CNTN5: variants seen among roughly 807,000 people sequenced by gnomAD.
The protein encoded by CNTN5 is contactin-5.
CNTN5 carries 77 observed loss-of-function variants against 129.1 expected under a neutral mutation model. That is an observed-to-expected ratio of 0.60 (90% CI 0.50 to 0.72). CNTN5 has a LOEUF of 0.72. Among genes scored for constraint, CNTN5 ranks in the 30% least tolerant of loss-of-function variants. CNTN5 has a pLI of 0.00. For missense variants in CNTN5, 1,478 were observed against 1,328.8 expected (o/e 1.11, Z -1.75); for synonymous variants, 509 against 465.6 (o/e 1.09, Z -1.20).
At chr11:100,343,859 G>C (rs930107377) in intron 23 of CNTN5, among the ~76,000 whole-genome samples, 1 of 151,858 alleles carries the variant, frequency 6.6e-6, no homozygotes, top group African/African-American at 2.4e-5. Context: ...CTATAATAGC[G>C]GGCCACCTCT....
chr11:100,061,621 C>T (rs553175080), intron 10 of CNTN5, among the ~76,000 whole-genome samples: 1 of 152,272 alleles, frequency 6.6e-6, no homozygotes, highest in South Asian at 2.1e-4. Context: ...GCATACAGAA[C>T]TTACGTCCTT....
At chr11:99,815,055 C>G (rs146821490) in intron 3 of CNTN5, among the ~76,000 whole-genome samples, 3 of 152,214 alleles carry the variant, frequency 2.0e-5, no homozygotes, top group Admixed American at 1.3e-4. Context: ...CCCCCTGACT[C>G]ATTTACCTCC....
chr11:99,791,899 C>T (rs1000332577), intron 3 of CNTN5, among the ~76,000 whole-genome samples: 1 of 152,004 alleles, frequency 6.6e-6, no homozygotes, highest in South Asian at 2.1e-4. Flanking sequence ...TGTTTTGGCT[C>T]TCAGATTGGA....
chr11:99,734,706 A>ATTT (rs57330066), intron 3 of CNTN5, among the ~76,000 whole-genome samples: 8,867 of 146,928 alleles, frequency 0.06, 346 homozygotes, highest in Middle Eastern at 0.087. Flanking sequence ...TATTACACTG[A>ATTT]TTTTTTTTTT....
intron 3 of CNTN5, among the ~76,000 whole-genome samples, chr11:99,625,583 ATATG>A (rs1417247302): frequency 3.9e-5 from 6 of 152,166 alleles, no homozygotes; most frequent in African/African-American, 7.2e-5. Flanking sequence ...ATACATTAAG[ATATG>A]TACATATTTT....
chr11:99,771,905 G>C (rs910122782), intron 3 of CNTN5, among the ~76,000 whole-genome samples: 1 of 151,672 alleles, frequency 6.6e-6, no homozygotes. Context: ...GAACTTTACT[G>C]TATATTATAT....
chr11:99,818,019 A>C (rs2135547098), intron 3 of CNTN5, among the ~76,000 whole-genome samples: 1 of 152,290 alleles, frequency 6.6e-6, no homozygotes, highest in South Asian at 2.1e-4. Context: ...GAGAAATCAT[A>C]TTTACAGCTT....
intron 1 of CNTN5, among the ~76,000 whole-genome samples, chr11:99,070,589 C>A (rs1266900265): frequency 6.6e-6 from 1 of 151,746 alleles, no homozygotes. Context: ...TAAATGAGAT[C>A]TTTATATACA....
At chr11:99,864,141 A>G (rs1304201950) in intron 6 of CNTN5, among the ~76,000 whole-genome samples, 1 of 152,162 alleles carries the variant, frequency 6.6e-6, no homozygotes, top group Non-Finnish European at 1.5e-5. Flanking sequence ...AAATGTTAAT[A>G]TTACTGAAGT....
intron 2 of CNTN5, among the ~76,000 whole-genome samples, chr11:99,555,867 T>C (rs1439774005): frequency 2.0e-5 from 3 of 151,870 alleles, no homozygotes; most frequent in Admixed American, 1.3e-4. Flanking sequence ...GGAAAAATTA[T>C]CCCCATTAGA....
At chr11:99,358,255 A>ATGTTTTTTTTTTTT (rs1938839546) in intron 2 of CNTN5, among the ~76,000 whole-genome samples, 1 of 46,914 alleles carries the variant, frequency 2.1e-5, no homozygotes, top group East Asian at 7.3e-4. Context: ...CGCCCTGCTG[A>ATGTTTTTTTTTTTT]TTTTTTTTTT....
intron 7 of CNTN5, among the ~76,000 whole-genome samples, chr11:99,952,890 G>A (rs567025069): frequency 6.6e-6 from 1 of 152,142 alleles, no homozygotes; most frequent in South Asian, 2.1e-4. Flanking sequence ...TTTTCTTTCT[G>A]TACTTACAGG....
intron 2 of CNTN5, among the ~76,000 whole-genome samples, chr11:99,368,255 T>C (rs1272529446): frequency 6.6e-6 from 1 of 152,142 alleles, no homozygotes; most frequent in Non-Finnish European, 1.5e-5. Flanking sequence ...TAGGTTATTC[T>C]AGAGTACCCT....
intron 3 of CNTN5, among the ~76,000 whole-genome samples, chr11:99,689,359 C>G (rs1280723129): frequency 6.6e-6 from 1 of 151,744 alleles, no homozygotes; most frequent in African/African-American, 2.4e-5. Flanking sequence ...AACCCCGTCT[C>G]TACTAAAAAT....
At chr11:99,994,642 G>C (rs1451344566) in intron 8 of CNTN5, among the ~76,000 whole-genome samples, 1 of 152,088 alleles carries the variant, frequency 6.6e-6, no homozygotes, top group Non-Finnish European at 1.5e-5. Flanking sequence ...CAGATTAACA[G>C]GTAGAAAAGT....
intron 13 of CNTN5, among the ~76,000 whole-genome samples, chr11:100,153,737 G>C (rs1199418841): frequency 1.3e-5 from 2 of 151,844 alleles, no homozygotes; most frequent in Non-Finnish European, 2.9e-5. Flanking sequence ...TATAATTTCT[G>C]GCATCATAAT....
Position 99,154,595 on chromosome 11 carries a change from G to T in CNTN5, c.-210+133325G>T, listed in dbSNP as rs73541856. Among the ~76,000 whole-genome samples, 790 of 152,300 alleles carry T rather than the reference G, an allele frequency of 5.2e-3. 7 individuals carry two copies. The highest frequency in any genetic ancestry group is 0.018 in the African/African-American group (759 of 41,572). ...CCATGACCAAGTGCCTACCAACAAA[G>T]CTGTGCAGGGGAGGCTGTGGTAGAA... On this transcript the variant is annotated intron_variant, in intron 1 of 24. Coordinates refer to ENST00000524871, the MANE Select transcript of CNTN5 (RefSeq NM_014361.4).
chr11:99,709,083 T>C (rs924257164), intron 3 of CNTN5, among the ~76,000 whole-genome samples: 1 of 151,860 alleles, frequency 6.6e-6, no homozygotes, highest in Non-Finnish European at 1.5e-5. Flanking sequence ...CTAAATGACA[T>C]GCAAATTTCT....
chr11:99,883,465 C>T (rs1417837807), intron 6 of CNTN5, among the ~76,000 whole-genome samples: 2 of 152,144 alleles, frequency 1.3e-5, no homozygotes, highest in East Asian at 3.8e-4. Context: ...CTCTGATGAG[C>T]AATGATGTTG....
Sources: gnomAD v4.1 joint callset for allele counts (sites outside exome capture counted in the v4.1 genomes callset) on GRCh38, gnomAD v4.1.1 for gene constraint, MANE v1.5 for transcripts, NCBI Gene and HGNC (gene_info 2026-07-23, HGNC 2026-07-21) for gene names.